Variants in GTF3C2 observed in about 807,000 individuals in gnomAD.
The protein encoded by GTF3C2 is general transcription factor 3C polypeptide 2.
In GTF3C2, 17 loss-of-function variants were observed where a neutral mutation model predicts 117.4. The ratio of observed to expected loss-of-function variants is 0.14; its 90% CI spans 0.10 to 0.22. The LOEUF is 0.22. Among genes scored for constraint, GTF3C2 ranks in the 10% least tolerant of loss-of-function variants. The pLI is 1.00. For missense variants in GTF3C2, 888 were observed against 1,143.6 expected, an observed-to-expected ratio of 0.78 and a Z score of 3.22; for synonymous variants, 437 against 427.0, an observed-to-expected ratio of 1.02 and a Z score of -0.29.
intron 1 of GTF3C2, among the ~76,000 whole-genome samples, chr2:27,354,548 G>A (rs1218133096): frequency 6.6e-6 from 1 of 152,048 alleles, no homozygotes; most frequent in East Asian, 1.9e-4. Context: ...ATCACTTGAG[G>A]TCAGGAGACT....
chr2:27,351,240 C>T (rs961054262), intron 1 of GTF3C2, among the ~76,000 whole-genome samples: 2 of 151,996 alleles, frequency 1.3e-5, no homozygotes, highest in African/African-American at 2.4e-5. Context: ...GGTGAAACCT[C>T]GTCTCTACTA....
At chr2:27,346,120 C>T (rs779575833) in intron 1 of GTF3C2, among the ~76,000 whole-genome samples, 4 of 146,060 alleles carry the variant, frequency 2.7e-5, no homozygotes, top group Non-Finnish European at 6.0e-5. Flanking sequence ...TCCTCCAGAG[C>T]TCAAGCAATC....
chr2:27,354,496 C>CA (rs1306031051), intron 1 of GTF3C2, among the ~76,000 whole-genome samples: 1 of 152,192 alleles, frequency 6.6e-6, no homozygotes, highest in Non-Finnish European at 1.5e-5. Context: ...TGCTGTGACT[C>CA]ACGCCTGTAA....
At chr2:27,326,097 T>G in exon 19 of GTF3C2, 1 of 416,772 alleles carries the variant, frequency 2.4e-6, no homozygotes, top group Non-Finnish European at 4.9e-6. Context: ...CAGGAGCAAG[T>G]AAGATCTGAG....
chr2:27,345,977 AGT>A (rs1680903329), intron 1 of GTF3C2, among the ~76,000 whole-genome samples: 1 of 149,666 alleles, frequency 6.7e-6, no homozygotes, highest in East Asian at 2.0e-4. Context: ...GGCCCCGCAA[AGT>A]GCTAGGATTA....
At chr2:27,345,156 TACTTGGGAGGCTGAAG>T (rs1680872899) in intron 1 of GTF3C2, among the ~76,000 whole-genome samples, 2 of 151,902 alleles carry the variant, frequency 1.3e-5, no homozygotes, top group South Asian at 2.1e-4. Flanking sequence ...TAGTCTCAGC[TACTTGGGAGGCTGAAG>T]ACTTGGGAGG....
At chr2:27,344,420 T>A (rs1680846570) in intron 1 of GTF3C2, among the ~76,000 whole-genome samples, 1 of 152,148 alleles carries the variant, frequency 6.6e-6, no homozygotes, top group Non-Finnish European at 1.5e-5. Context: ...TATTTTCTTG[T>A]AAGGATGAAG....
At chr2:27,326,861 T>A in exon 19 of GTF3C2, 1 of 1,613,224 alleles carries the variant, frequency 6.2e-7, no homozygotes, top group Non-Finnish European at 8.5e-7. Flanking sequence ...ATACCAGCCA[T>A]CCATAGGAGT....
rs75302569 is a variant in GTF3C2 at position 27,327,004 on chromosome 2, C to T, written c.2518-111G>A. 4,432 of 733,198 alleles carry T rather than the reference C, an allele frequency of 6.0e-3. 146 individuals carry two copies. In the African/African-American group the frequency reaches 0.07, roughly 12 times the overall value. The allele number at this position is 733,198 out of a possible 1,614,324, so 45.4% of individuals were successfully genotyped here. ...TGAGCCACAATCTGAAAGGACAGGACCATGAGGGGTGACAGAGGTAAGAAT... is the reference window on the plus strand; with the variant it reads ...TGAGCCACAATCTGAAAGGACAGGATCATGAGGGGTGACAGAGGTAAGAAT... On this transcript the variant is annotated intron_variant, in intron 18 of 18. Transcript: ENST00000264720.
rs532102436 is a variant in GTF3C2, at chr2:27,333,645, G to GT, written c.1732+9dup. On this transcript the variant is annotated intron_variant, in intron 12 of 18. Transcript: ENST00000264720. ...CAATAGTTCCTTATGTTTTATTTTG[G>GT]TTTTTTTACCATTATAATATCCAGC... 3.9e-5 allele frequency: 62 copies of GT among 1,590,978 alleles called. No homozygotes were observed. Among genetic ancestry groups the GT allele is most frequent in the African/African-American group, 1.9e-4 (14 of 73,656 alleles).
chr2:27,342,045 T>A, exon 4 of GTF3C2: 1 of 1,614,152 alleles, frequency 6.2e-7, no homozygotes, highest in Non-Finnish European at 8.5e-7. Flanking sequence ...ATCTTCAGCC[T>A]CAACCTGGAG....
intron 1 of GTF3C2, among the ~76,000 whole-genome samples, chr2:27,351,039 C>A (rs1489463912): frequency 6.6e-6 from 1 of 151,984 alleles, no homozygotes; most frequent in Non-Finnish European, 1.5e-5. Context: ...TCACTTATGC[C>A]CAGGAGTTGA....
intron 1 of GTF3C2, among the ~76,000 whole-genome samples, chr2:27,347,076 A>G (rs1178020959): frequency 3.9e-5 from 6 of 152,194 alleles, no homozygotes; most frequent in African/African-American, 1.4e-4. Flanking sequence ...TTAGTTGTAT[A>G]ACCATGGGCC....
chr2:27,341,843 T>C, intron 4 of GTF3C2, 105 bp downstream of exon 4: 1 of 968,388 alleles, frequency 1.0e-6, no homozygotes, highest in Non-Finnish European at 1.6e-6. Flanking sequence ...ACCTGTTTTG[T>C]CTATTATAGT....
exon 16 of GTF3C2, chr2:27,328,483 A>G: frequency 6.2e-7 from 1 of 1,614,022 alleles, no homozygotes; most frequent in Non-Finnish European, 8.5e-7. Context: ...TTCGCTCTAC[A>G]GGTCGCTTGA....
intron 1 of GTF3C2, among the ~76,000 whole-genome samples, chr2:27,345,161 G>C (rs1680873273): frequency 6.6e-6 from 1 of 152,016 alleles, no homozygotes; most frequent in East Asian, 1.9e-4. Context: ...TCAGCTACTT[G>C]GGAGGCTGAA....
chr2:27,342,354 C>A lies in GTF3C2; in HGVS notation c.570-121G>T, dbSNP rs1415637833. Reference sequence around the variant, plus strand: ...TAACCCCATGATTAACCAATTAACTCTATTAATTTCCCCTTCCCCCTTGGA... The same window carrying A: ...TAACCCCATGATTAACCAATTAACTATATTAATTTCCCCTTCCCCCTTGGA... On this transcript the variant is annotated intron_variant, in intron 3 of 18. Coordinates refer to ENST00000264720, the Ensembl canonical transcript of GTF3C2. 1.3e-5 allele frequency: 10 copies of A among 749,510 alleles called. No individual in the cohort carries two copies. The African/African-American group carries it at 1.6e-4, about 12-fold the overall frequency. The allele number at this position is 749,510 out of a possible 1,614,324, so 46.4% of individuals were successfully genotyped here.
Position 27,356,145 on chromosome 2 carries a change from G to A in GTF3C2, c.-25+594C>T, listed in dbSNP as rs190464132. On this transcript the variant is annotated intron_variant, in intron 1 of 18. Coordinates refer to ENST00000264720, the Ensembl canonical transcript of GTF3C2. ...CGACGGAGTTGAAGTCGCCACCTCT[G>A]ACTTCCCCAACAGGCAGCCAACTTG... 199 of 1,275,514 alleles carry A rather than the reference G, an allele frequency of 1.6e-4. No individual in the cohort carries two copies. The East Asian group carries it at 5.7e-3, about 37-fold the overall frequency. The allele number at this position is 1,275,514 out of a possible 1,614,324, so 79.0% of individuals were successfully genotyped here.
intron 3 of GTF3C2, chr2:27,342,530 G>A (rs921778234): frequency 1.1e-5 from 6 of 541,392 alleles, no homozygotes; most frequent in Non-Finnish European, 2.0e-5. Context: ...AGAAAGAATG[G>A]AACAGAATAT....
Sources: allele counts gnomAD v4.1 joint callset (sites outside exome capture counted in the v4.1 genomes callset), GRCh38; gene constraint gnomAD v4.1.1; transcripts MANE v1.5; gene names NCBI Gene and HGNC (gene_info 2026-07-23, HGNC 2026-07-21).